The following VWC2L variants were observed in gnomAD, a reference collection of about 807,000 sequenced individuals.
The protein encoded by VWC2L is von Willebrand factor C domain-containing protein 2-like.
In VWC2L, 10 loss-of-function variants were observed where a neutral mutation model predicts 21.6. That is an observed-to-expected ratio of 0.46 (90% CI 0.29 to 0.78). The LOEUF is 0.78. Among genes scored for constraint, VWC2L ranks in the 30% least tolerant of loss-of-function variants. VWC2L has a pLI of 0.10. For synonymous variants in VWC2L, 96 were observed against 94.3 expected, an observed-to-expected ratio of 1.02 and a Z score of -0.10; for missense variants, 209 against 277.1, an observed-to-expected ratio of 0.75 and a Z score of 1.74.
At position 214,576,995 on chromosome 2, in the gene VWC2L, A is replaced by G. The variant is rs1292733503; in HGVS notation, c.*1175A>G. On this transcript the variant is annotated 3_prime_UTR_variant, in exon 4 of 4. Coordinates refer to ENST00000312504, the MANE Select transcript of VWC2L (RefSeq NM_001080500.4). ...TGTATATATTAGATACTGAAAAATTAAAGTGAACCTTTGAAGAGTCTCTAG... is the reference window on the plus strand; with the variant it reads ...TGTATATATTAGATACTGAAAAATTGAAGTGAACCTTTGAAGAGTCTCTAG... 1 of 152,192 alleles carries G rather than the reference A, an allele frequency of 6.6e-6. No individual in the cohort carries two copies. The highest frequency in any genetic ancestry group is 2.4e-5 in the African/African-American group (1 of 41,462). 9.4% of individuals were successfully genotyped at this position (152,192 alleles called of 1,614,324 possible). A position where few individuals can be genotyped will look rare whatever the true frequency, so the allele number is the denominator to read the frequency against.
chr2:214,416,833 C>A (rs1000578573), intron 2 of VWC2L, among the ~76,000 whole-genome samples: 3 of 152,082 alleles, frequency 2.0e-5, no homozygotes, highest in Non-Finnish European at 2.9e-5. Context: ...CATATAATTT[C>A]TCTGAAGTCA....
intron 3 of VWC2L, among the ~76,000 whole-genome samples, chr2:214,487,582 A>G (rs1280022301): frequency 1.3e-5 from 2 of 152,210 alleles, no homozygotes; most frequent in African/African-American, 4.8e-5. Context: ...GGCATTCAAG[A>G]GGGATTTGCA....
At chr2:214,478,474 A>G (rs1328660979) in intron 3 of VWC2L, among the ~76,000 whole-genome samples, 1 of 151,970 alleles carries the variant, frequency 6.6e-6, no homozygotes, top group African/African-American at 2.4e-5. Context: ...ATCTCAAAAA[A>G]AAAAAAACAA....
In VWC2L at chr2:214,529,082, C is replaced by G. The variant is rs575200839; in HGVS notation, c.521-46590C>G. 2.6e-5 allele frequency among the ~76,000 whole-genome samples: 4 copies of G among 152,244 alleles called. No individual in the cohort carries two copies. In the South Asian group the frequency reaches 8.3e-4, roughly 32 times the overall value. ...TGGTCGCTGGAGAGTAAGGGACTTG[C>G]CTACAATCACAAGCTAGACAATGAC... is the stretch of plus-strand genomic sequence containing the variant. On this transcript the variant is annotated intron_variant, in intron 3 of 3. Transcript: ENST00000312504.
chr2:214,484,340 C>T (rs1688647412), intron 3 of VWC2L, among the ~76,000 whole-genome samples: 1 of 152,164 alleles, frequency 6.6e-6, no homozygotes, highest in Non-Finnish European at 1.5e-5. Context: ...CCAAGATTTG[C>T]CACTACCTAA....
intron 3 of VWC2L, among the ~76,000 whole-genome samples, chr2:214,551,540 A>G (rs776245602): frequency 1.3e-5 from 2 of 152,200 alleles, no homozygotes; most frequent in Non-Finnish European, 2.9e-5. Flanking sequence ...ACAAGCATCC[A>G]CTGTTGCTGG....
chr2:214,542,966 C>A (rs1689651194), intron 3 of VWC2L, among the ~76,000 whole-genome samples: 1 of 152,134 alleles, frequency 6.6e-6, no homozygotes. Flanking sequence ...CTTTTCCTTG[C>A]AACAACTATG....
rs1194646166 is a variant in VWC2L, at chr2:214,475,388, G to GT, written c.520+38631dup. 2.7e-5 allele frequency among the ~76,000 whole-genome samples: 4 copies of GT among 145,798 alleles called. No individual in the cohort carries two copies. In the East Asian group the frequency reaches 6.4e-4, roughly 23 times the overall value. On this transcript the variant is annotated intron_variant, in intron 3 of 3. Coordinates refer to ENST00000312504, the MANE Select transcript of VWC2L (RefSeq NM_001080500.4). ...TAGTAAACTAAAACCAAAGGGATATGTAAAAAAAAAAGAAAGAAATGTGCT... is the reference window on the plus strand; with the variant it reads ...TAGTAAACTAAAACCAAAGGGATATGTTAAAAAAAAAAGAAAGAAATGTGCT...
chr2:214,421,297 T>C (rs1189890078), intron 2 of VWC2L, among the ~76,000 whole-genome samples: 3 of 152,232 alleles, frequency 2.0e-5, no homozygotes, highest in African/African-American at 7.2e-5. Context: ...AGAGTAGAAT[T>C]ATAAGAATAA....
chr2:214,558,549 A>T (rs1689911866), intron 3 of VWC2L, among the ~76,000 whole-genome samples: 1 of 152,154 alleles, frequency 6.6e-6, no homozygotes, highest in African/African-American at 2.4e-5. Context: ...TCTACCACCA[A>T]CATGAATCAT....
intron 3 of VWC2L, among the ~76,000 whole-genome samples, chr2:214,555,775 T>C (rs1046965308): frequency 1.3e-5 from 2 of 152,224 alleles, no homozygotes; most frequent in African/African-American, 4.8e-5. Flanking sequence ...CCTAGTCTAA[T>C]AATTGTACTT....
intron 3 of VWC2L, among the ~76,000 whole-genome samples, chr2:214,530,973 A>G (rs904077223): frequency 6.6e-6 from 1 of 152,194 alleles, no homozygotes; most frequent in East Asian, 1.9e-4. Context: ...AATGTCAACA[A>G]TGGGGGTGGT....
At chr2:214,441,569 G>C (rs1034636057) in intron 3 of VWC2L, among the ~76,000 whole-genome samples, 7 of 151,918 alleles carry the variant, frequency 4.6e-5, no homozygotes, top group Admixed American at 1.3e-4. Context: ...CTTTTTAAAA[G>C]ACACTTTCTT....
At chr2:214,532,598 A>AT (rs950214966) in intron 3 of VWC2L, among the ~76,000 whole-genome samples, 19 of 152,120 alleles carry the variant, frequency 1.2e-4, no homozygotes, top group Non-Finnish European at 2.5e-4. Context: ...ATATCCCTTC[A>AT]TTTTTTAGCT....
intron 3 of VWC2L, among the ~76,000 whole-genome samples, chr2:214,526,185 C>A (rs1467663756): frequency 6.6e-6 from 1 of 151,376 alleles, no homozygotes; most frequent in African/African-American, 2.4e-5. Flanking sequence ...TTTTCCAAAG[C>A]AGACAATGGA....
chr2:214,461,142 C>T lies in VWC2L; in HGVS notation c.520+24384C>T, dbSNP rs554413710. Among the ~76,000 whole-genome samples, 57 of 152,258 alleles carry T rather than the reference C, an allele frequency of 3.7e-4. No homozygotes were observed. The South Asian group carries it at 3.9e-3, about 11-fold the overall frequency. The stretch of plus-strand genomic sequence containing the variant: ...GATGGGCCAGTAGTCAGGCCCCAGT[C>T]GTGGCAGCAGTGGGACAAATGTTCC... On this transcript the variant is annotated intron_variant, in intron 3 of 3. Transcript: ENST00000312504.
rs1488062175 is a variant in VWC2L, at chr2:214,578,678, T to A, written c.*2858T>A. 2.0e-5 allele frequency: 3 copies of A among 152,178 alleles called. No individual in the cohort carries two copies. Among genetic ancestry groups the A allele is most frequent in the Non-Finnish European group, 4.4e-5 (3 of 68,038 alleles). 9.4% of individuals were successfully genotyped at this position (152,178 alleles called of 1,614,324 possible). ...TCTGTTGTTTGTTTCTTGTGAAGTC[T>A]TTGTTTGCAGCCACACTGTCATCTC... On this transcript the variant is annotated 3_prime_UTR_variant, in exon 4 of 4. Coordinates refer to ENST00000312504, the MANE Select transcript of VWC2L (RefSeq NM_001080500.4).
At chr2:214,566,962 C>G (rs1381318091) in intron 3 of VWC2L, among the ~76,000 whole-genome samples, 1 of 152,064 alleles carries the variant, frequency 6.6e-6, no homozygotes, top group Non-Finnish European at 1.5e-5. Flanking sequence ...TCAATTCAAC[C>G]CCACAGACTA....
intron 2 of VWC2L, among the ~76,000 whole-genome samples, chr2:214,420,549 A>G (rs1702423567): frequency 6.6e-6 from 1 of 152,210 alleles, no homozygotes; most frequent in Non-Finnish European, 1.5e-5. Flanking sequence ...ACACAAGGCA[A>G]AGGAGTACAA....
Sources: allele counts gnomAD v4.1 joint callset (sites outside exome capture counted in the v4.1 genomes callset), GRCh38; gene constraint gnomAD v4.1.1; transcripts MANE v1.5; gene names NCBI Gene and HGNC (gene_info 2026-07-23, HGNC 2026-07-21).